SAP130: variants seen among roughly 807,000 people sequenced by gnomAD.
The protein encoded by SAP130 is Sin3A associated protein 130, also known as histone deacetylase complex subunit SAP130.
In SAP130, 16 loss-of-function variants were observed where a neutral mutation model predicts 103.2. That is an observed-to-expected ratio of 0.16 (90% CI 0.10 to 0.24). The LOEUF is 0.24. SAP130 is among the 10% of genes least tolerant of loss of function. The pLI is 1.00. For missense variants in SAP130, 990 were observed against 1,359.7 expected (o/e 0.73, Z 4.28); for synonymous variants, 477 against 497.0 (o/e 0.96, Z 0.53).
intron 7 of SAP130, among the ~76,000 whole-genome samples, chr2:128,007,487 C>A (rs1684058321): frequency 1.3e-5 from 2 of 152,170 alleles, no homozygotes; most frequent in South Asian, 2.1e-4. Flanking sequence ...TCCATTTATA[C>A]CTTGTGAATT....
rs74874913 is a variant in SAP130 at position 127,988,856 on chromosome 2, A to C, written c.1780+708T>G. ...GACAGAGTGAGAATCTGTCTCAAAA[A>C]GATCTAAATACAGTGACTTATTCCA... On this transcript the variant is annotated intron_variant, in intron 13 of 20. Coordinates refer to ENST00000643581, the MANE Select transcript of SAP130 (RefSeq NM_001330301.2). 6.1e-3 allele frequency among the ~76,000 whole-genome samples: 928 copies of C among 152,284 alleles called. 21 individuals carry two copies. The highest frequency in any genetic ancestry group is 0.019 in the African/African-American group (804 of 41,550).
Position 127,989,763 on chromosome 2 carries a change from C to T in SAP130, c.1581G>A (p.Ser527=), listed in dbSNP as rs148999283. 1.2e-5 allele frequency: 20 copies of T among 1,614,130 alleles called. No individual in the cohort carries two copies. Among genetic ancestry groups the T allele is most frequent in the East Asian group, 4.5e-5 (2 of 44,892 alleles). The change falls in exon 13 of 21, where the codon TCG becomes TCA. Residue 527 remains serine, a synonymous_variant. Coordinates refer to ENST00000643581, the MANE Select transcript of SAP130 (RefSeq NM_001330301.2). The surrounding 1 kb of genome is among the most constrained non-coding windows in gnomAD (Gnocchi z 4.6). ...NPMQLMTVDA[S]HARHIQGIQP... ...GGATCCCTTGAATATGTCGAGCATG[C>T]GATGCATCCACTGTCATCAACTGCA... is the stretch of plus-strand genomic sequence containing the variant.
At position 127,980,448 on chromosome 2, in the gene SAP130, G is replaced by A. The variant is rs140695090; in HGVS notation, c.1959-2359C>T. 5.3e-4 allele frequency among the ~76,000 whole-genome samples: 81 copies of A among 152,202 alleles called. 2 individuals carry two copies. The South Asian group carries it at 8.1e-3, about 15-fold the overall frequency. ...TGAGAGTGTAAATGGGTAAAACCAC[G>A]CAGAAAACCATGCTCCATGAAAGTT... On this transcript the variant is annotated intron_variant, in intron 14 of 20. Transcript: ENST00000643581.
In SAP130 at chr2:128,018,483, C is replaced by CAAAAA. The variant is rs759445928; in HGVS notation, c.113-573_113-569dup. Among the ~76,000 whole-genome samples, 306 of 69,470 alleles carry CAAAAA rather than the reference C, an allele frequency of 4.4e-3. 11 individuals are homozygous for CAAAAA. Among genetic ancestry groups the CAAAAA allele is most frequent in the African/African-American group, 0.019 (293 of 15,296 alleles). The allele number at this position is 69,470 out of a possible 152,430, so 45.6% of individuals were successfully genotyped here. A position where few individuals can be genotyped will look rare whatever the true frequency, so the allele number is the denominator to read the frequency against. On this transcript the variant is annotated intron_variant, in intron 2 of 20. Transcript: ENST00000643581. ...CTGGGCGAGAGAGGAAGATTGTCTCCAAAAAAAAAAAAAAAAAAAAAAAGG... is the reference window on the plus strand; with the variant it reads ...CTGGGCGAGAGAGGAAGATTGTCTCCAAAAAAAAAAAAAAAAAAAAAAAAAAAAGG...
At chr2:128,017,460 G>A (rs913061726) in intron 3 of SAP130, among the ~76,000 whole-genome samples, 1 of 152,072 alleles carries the variant, frequency 6.6e-6, no homozygotes, top group Non-Finnish European at 1.5e-5. Context: ...GTATCAAAAT[G>A]GATAACAGCA....
chr2:128,009,414 T>G (rs1684221863), intron 7 of SAP130, among the ~76,000 whole-genome samples: 1 of 152,150 alleles, frequency 6.6e-6, no homozygotes. Flanking sequence ...GAGGCTGCAG[T>G]GAGCCATGAT....
rs370646960 is a variant in SAP130 at position 128,015,713 on chromosome 2, G to A, written c.507+676C>T. 1.4e-3 allele frequency among the ~76,000 whole-genome samples: 212 copies of A among 152,066 alleles called. 1 individual carries two copies. The highest frequency in any genetic ancestry group is 4.8e-3 in the African/African-American group (201 of 41,472). On this transcript the variant is annotated intron_variant, in intron 4 of 20. Transcript: ENST00000643581. ...TCCCAGCACTTTGGGAGGCCGAGGC[G>A]GGCAGATCATTTGAGGTCAGGAGTT...
intron 13 of SAP130, among the ~76,000 whole-genome samples, chr2:127,987,682 G>A (rs962065346): frequency 3.3e-5 from 5 of 152,024 alleles, no homozygotes; most frequent in Non-Finnish European, 5.9e-5. Context: ...TAATACAAGA[G>A]CCACAAATAG....
intron 15 of SAP130, among the ~76,000 whole-genome samples, chr2:127,972,658 T>C (rs1573702536): frequency 6.6e-6 from 1 of 152,140 alleles, no homozygotes. Flanking sequence ...CTTGGGAGGC[T>C]GAGGCAGGAG....
At chr2:127,956,507 G>C (rs1246510474) in intron 15 of SAP130, among the ~76,000 whole-genome samples, 1 of 143,326 alleles carries the variant, frequency 7.0e-6, no homozygotes, top group Non-Finnish European at 1.5e-5. Context: ...TGAATAATGA[G>C]AACACTTGGA....
At chr2:127,961,871 T>C (rs910268440) in intron 15 of SAP130, among the ~76,000 whole-genome samples, 1 of 152,068 alleles carries the variant, frequency 6.6e-6, no homozygotes, top group Admixed American at 6.6e-5. Context: ...GAGGAGGTAT[T>C]TCTGAGCTCT....
intron 1 of SAP130, chr2:128,027,229 T>A: frequency 7.5e-6 from 9 of 1,195,704 alleles, no homozygotes; most frequent in Non-Finnish European, 9.3e-6. Flanking sequence ...CGGGGCCCGC[T>A]GCTGTCCAGC....
intron 15 of SAP130, among the ~76,000 whole-genome samples, chr2:127,973,465 C>T (rs1202882987): frequency 2.0e-5 from 3 of 152,194 alleles, no homozygotes; most frequent in East Asian, 3.9e-4. Flanking sequence ...CTCCTGACCT[C>T]GGGTGATCCG....
intron 1 of SAP130, 67 bp from the exon 2 acceptor site, chr2:128,026,365 A>G (rs1344754121): frequency 8.8e-7 from 1 of 1,138,486 alleles, no homozygotes; most frequent in Non-Finnish European, 1.3e-6. Flanking sequence ...GAGAAATTAA[A>G]GCATCTTTAG....
chr2:128,009,047 C>A (rs907359813), intron 7 of SAP130, among the ~76,000 whole-genome samples: 1 of 152,216 alleles, frequency 6.6e-6, no homozygotes, highest in Middle Eastern at 3.4e-3. Flanking sequence ...TCCCACTGTC[C>A]TCCACCCTGT....
At chr2:127,962,244 T>G (rs1439491427) in intron 15 of SAP130, among the ~76,000 whole-genome samples, 3 of 152,178 alleles carry the variant, frequency 2.0e-5, no homozygotes, top group African/African-American at 7.2e-5. Flanking sequence ...CAGTGTGCTC[T>G]CAGTTGCTCA....
intron 2 of SAP130, among the ~76,000 whole-genome samples, chr2:128,022,867 T>C (rs1685249477): frequency 6.6e-6 from 1 of 152,100 alleles, no homozygotes; most frequent in South Asian, 2.1e-4. Context: ...TCTCACTCCG[T>C]CACCCAGGCT....
At chr2:127,959,823 TA>T (rs907829936) in intron 15 of SAP130, among the ~76,000 whole-genome samples, 6 of 151,188 alleles carry the variant, frequency 4.0e-5, no homozygotes, top group African/African-American at 7.3e-5. Flanking sequence ...AAAAACTTAG[TA>T]AAAAAAAACC....
In SAP130 at chr2:127,989,977, C is replaced by A; in HGVS notation, c.1478-111G>T. The stretch of plus-strand genomic sequence containing the variant: ...TCCTCCACTGTATAAGATCTAAATC[C>A]ATGGTTTGAAAAAAAATAAATAAAT... On this transcript the variant is annotated intron_variant, in intron 12 of 20. Transcript: ENST00000643581. This position sits in a 1 kb window ranked among gnomAD's most constrained non-coding sequence, Gnocchi z 4.6. 1.1e-6 allele frequency: 1 copy of A among 937,460 alleles called. No homozygotes were observed. The allele number at this position is 937,460 out of a possible 1,614,324, so 58.1% of individuals were successfully genotyped here. A position where few individuals can be genotyped will look rare whatever the true frequency, so the allele number is the denominator to read the frequency against.
Sources: gnomAD v4.1 joint callset for allele counts (sites outside exome capture counted in the v4.1 genomes callset) on GRCh38, gnomAD v4.1.1 for gene constraint, Gnocchi (gnomAD v3.1) non-coding constraint, MANE v1.5 for transcripts, NCBI Gene and HGNC (gene_info 2026-07-23, HGNC 2026-07-21) for gene names.